Variants in NRG3 observed in about 807,000 individuals in gnomAD.
NRG3 encodes the protein neuregulin 3.
NRG3 carries 31 observed loss-of-function variants against 66.9 expected under a neutral mutation model. The ratio of observed to expected loss-of-function variants is 0.46; its 90% CI spans 0.35 to 0.63. The LOEUF is 0.63. Ranked by LOEUF, NRG3 falls within the 20% of genes least tolerant of loss-of-function variation. NRG3 has a pLI of 0.00. For synonymous variants in NRG3, 393 were observed against 359.4 expected (o/e 1.09, Z -1.06); for missense variants, 910 against 878.9 (o/e 1.04, Z -0.45).
Position 82,706,991 on chromosome 10 carries a change from C to A in NRG3, c.954-31586C>A, listed in dbSNP as rs1379310594. Among the ~76,000 whole-genome samples, 36 of 106,390 alleles carry A rather than the reference C, an allele frequency of 3.4e-4. 1 individual carries two copies. The allele number at this position is 106,390 out of a possible 152,430, so 69.8% of individuals were successfully genotyped here. A position where few individuals can be genotyped will look rare whatever the true frequency, so the allele number is the denominator to read the frequency against. On this transcript the variant is annotated intron_variant, in intron 2 of 8. Coordinates refer to ENST00000372141, the MANE Select transcript of NRG3 (RefSeq NM_001010848.4). The stretch of plus-strand genomic sequence containing the variant: ...CCTGGGTGACAGAGTAAGACTCCAT[C>A]TCAAAAAAAAAAAATAAAATAAAAT...
chr10:82,529,898 A>G (rs1193353638), intron 2 of NRG3, among the ~76,000 whole-genome samples: 1 of 152,192 alleles, frequency 6.6e-6, no homozygotes, highest in Admixed American at 6.5e-5. Context: ...ACAAAAAAAA[A>G]GTCAAACTGA....
chr10:82,091,260 G>A (rs1393381245), intron 1 of NRG3, among the ~76,000 whole-genome samples: 2 of 151,998 alleles, frequency 1.3e-5, no homozygotes, highest in East Asian at 1.9e-4. Context: ...CTATGTCCCC[G>A]ATTTTCCTAT....
At chr10:82,009,534 A>G (rs1241368476) in intron 1 of NRG3, among the ~76,000 whole-genome samples, 1 of 152,108 alleles carries the variant, frequency 6.6e-6, no homozygotes, top group Non-Finnish European at 1.5e-5. Context: ...TCCCCTGCCA[A>G]CCTCCTCTCT....
intron 3 of NRG3, among the ~76,000 whole-genome samples, chr10:82,785,789 T>C (rs1591520918): frequency 6.6e-6 from 1 of 152,228 alleles, no homozygotes; most frequent in East Asian, 1.9e-4. Context: ...AATGAAAAGA[T>C]TTAGAAAACT....
chr10:82,603,916 G>C (rs900761341), intron 2 of NRG3, among the ~76,000 whole-genome samples: 11 of 152,180 alleles, frequency 7.2e-5, no homozygotes, highest in African/African-American at 1.9e-4. Flanking sequence ...GCAATTTTAG[G>C]TGTATGGAAA....
chr10:82,349,982 T>G (rs1016741757), intron 1 of NRG3, among the ~76,000 whole-genome samples: 3 of 152,154 alleles, frequency 2.0e-5, no homozygotes, highest in African/African-American at 7.2e-5. Flanking sequence ...CCTAGTGAGA[T>G]GAACCCGGTA....
chr10:82,359,235 C>T (rs1206726829), intron 2 of NRG3, among the ~76,000 whole-genome samples: 1 of 152,208 alleles, frequency 6.6e-6, no homozygotes, highest in Admixed American at 6.5e-5. Context: ...AACCTACAGA[C>T]TGTGGCAGGA....
chr10:81,984,082 C>A (rs1449440080), intron 1 of NRG3, among the ~76,000 whole-genome samples: 1 of 152,140 alleles, frequency 6.6e-6, no homozygotes, highest in Non-Finnish European at 1.5e-5. Context: ...GGAATATAGG[C>A]AGCCACTAAA....
chr10:82,647,103 A>G (rs1480039655), intron 2 of NRG3, among the ~76,000 whole-genome samples: 3 of 152,016 alleles, frequency 2.0e-5, no homozygotes, highest in Non-Finnish European at 4.4e-5. Flanking sequence ...TGCTGCACCC[A>G]TTAACTCTTC....
At chr10:82,554,518 G>A (rs1340490124) in intron 2 of NRG3, among the ~76,000 whole-genome samples, 2 of 152,122 alleles carry the variant, frequency 1.3e-5, no homozygotes, top group Non-Finnish European at 2.9e-5. Flanking sequence ...AACTAGAAAA[G>A]GGCAAGGAGC....
rs147249666 is a variant in NRG3 at position 81,946,166 on chromosome 10, G to A, written c.823+70003G>A. Reference sequence around the variant, plus strand: ...TGAGTAGCTGGGATTACAGGCACCCGCCACTACGCCCAGCTAAATTTTGTA... The same window carrying A: ...TGAGTAGCTGGGATTACAGGCACCCACCACTACGCCCAGCTAAATTTTGTA... On this transcript the variant is annotated intron_variant, in intron 1 of 8. Transcript: ENST00000372141. 6.5e-3 allele frequency among the ~76,000 whole-genome samples: 988 copies of A among 152,114 alleles called. 7 individuals carry two copies. The highest frequency in any genetic ancestry group is 0.02 in the African/African-American group (828 of 41,514).
At chr10:82,222,103 G>A (rs2075969494) in intron 1 of NRG3, among the ~76,000 whole-genome samples, 1 of 151,856 alleles carries the variant, frequency 6.6e-6, no homozygotes, top group Non-Finnish European at 1.5e-5. Context: ...TTACATTTGT[G>A]TCACATAAAT....
At chr10:82,007,449 T>A (rs1436438888) in intron 1 of NRG3, among the ~76,000 whole-genome samples, 2 of 152,080 alleles carry the variant, frequency 1.3e-5, no homozygotes, top group Non-Finnish European at 2.9e-5. Context: ...CTTTGTGATC[T>A]GCATGCCTCG....
chr10:82,521,919 CT>C (rs1367751705), intron 2 of NRG3, among the ~76,000 whole-genome samples: 1 of 152,124 alleles, frequency 6.6e-6, no homozygotes, highest in Admixed American at 6.5e-5. Context: ...AATGCAACTC[CT>C]CATCTGTTCA....
intron 2 of NRG3, among the ~76,000 whole-genome samples, chr10:82,582,298 A>G (rs547754669): frequency 1.7e-4 from 26 of 152,208 alleles, no homozygotes; most frequent in South Asian, 4.1e-4. Flanking sequence ...GGAGGTAAGG[A>G]TACATATCTC....
intron 1 of NRG3, among the ~76,000 whole-genome samples, chr10:82,170,689 T>TATAG (rs2072534239): frequency 7.3e-6 from 1 of 136,160 alleles, no homozygotes; most frequent in Non-Finnish European, 1.6e-5. Context: ...TATATATATA[T>TATAG]ATATATATGT....
At chr10:82,114,634 A>T (rs1298684925) in intron 1 of NRG3, among the ~76,000 whole-genome samples, 1 of 152,160 alleles carries the variant, frequency 6.6e-6, no homozygotes, top group African/African-American at 2.4e-5. Context: ...TTGTTCGGGA[A>T]ATTGGGTAAT....
rs893368553 is a variant in NRG3, at chr10:82,710,351, C to T, written c.954-28226C>T. Among the ~76,000 whole-genome samples, 14 of 152,190 alleles carry T rather than the reference C, an allele frequency of 9.2e-5. No individual in the cohort carries two copies. The East Asian group carries it at 2.5e-3, about 27-fold the overall frequency. Reference sequence around the variant, plus strand: ...ATGTAATCACAGCACTTTGGGAGGCCAAGGCAGGTGAATCCTCTCAGGTCG... The same window carrying T: ...ATGTAATCACAGCACTTTGGGAGGCTAAGGCAGGTGAATCCTCTCAGGTCG... On this transcript the variant is annotated intron_variant, in intron 2 of 8. Coordinates refer to ENST00000372141, the MANE Select transcript of NRG3 (RefSeq NM_001010848.4).
rs148847653 is a variant in NRG3 at position 82,805,768 on chromosome 10, G to T, written c.1028-59643G>T. 7.1e-3 allele frequency among the ~76,000 whole-genome samples: 1,079 copies of T among 152,276 alleles called. 12 individuals are homozygous for T. Among genetic ancestry groups the T allele is most frequent in the African/African-American group, 0.025 (1,029 of 41,544 alleles). ...TGGGCAAATTGGCTAAGCAACCTGA[G>T]CCTCTGGGCCTTTGTAAAATTGCAG... is the stretch of plus-strand genomic sequence containing the variant. On this transcript the variant is annotated intron_variant, in intron 3 of 8. Coordinates refer to ENST00000372141, the MANE Select transcript of NRG3 (RefSeq NM_001010848.4).
Sources: gnomAD v4.1 joint callset for allele counts (sites outside exome capture counted in the v4.1 genomes callset) on GRCh38, gnomAD v4.1.1 for gene constraint, MANE v1.5 for transcripts, NCBI Gene and HGNC (gene_info 2026-07-23, HGNC 2026-07-21) for gene names.